Variants in CCDC25 observed in about 807,000 individuals in gnomAD.
The protein encoded by CCDC25 is coiled-coil domain containing 25, also known as coiled-coil domain-containing protein 25.
A neutral mutation model predicts 35.3 loss-of-function variants in CCDC25; 16 were observed. The ratio of observed to expected loss-of-function variants is 0.45; its 90% CI spans 0.31 to 0.69. CCDC25 has a LOEUF of 0.69. CCDC25 is among the 30% of genes least tolerant of loss of function. The probability of loss-of-function intolerance (pLI) is 0.06; values close to 1 mark genes in which losing one functional copy is unlikely to be tolerated. For missense variants in CCDC25, 179 were observed against 250.7 expected (o/e 0.71, Z 1.93); for synonymous variants, 79 against 80.3 (o/e 0.98, Z 0.09).
At chr8:27,764,412 G>GT in intron 2 of CCDC25, 1 of 342,046 alleles carries the variant, frequency 2.9e-6, no homozygotes, top group Non-Finnish European at 5.7e-6. Flanking sequence ...AGGACAACAG[G>GT]TGTGTGTCAC....
At chr8:27,763,881 G>C (rs963584257) in intron 2 of CCDC25, among the ~76,000 whole-genome samples, 5 of 152,168 alleles carry the variant, frequency 3.3e-5, no homozygotes, top group African/African-American at 1.2e-4. Flanking sequence ...AACAGTCGTA[G>C]ACACTATGAG....
intron 5 of CCDC25, among the ~76,000 whole-genome samples, chr8:27,751,515 G>A (rs1290347232): frequency 3.3e-5 from 5 of 152,138 alleles, no homozygotes; most frequent in African/African-American, 4.8e-5. Flanking sequence ...GGAATGCTGC[G>A]CTGCTCTTGT....
At chr8:27,760,694 T>G (rs1804197591) in intron 3 of CCDC25, among the ~76,000 whole-genome samples, 1 of 152,110 alleles carries the variant, frequency 6.6e-6, no homozygotes, top group South Asian at 2.1e-4. Context: ...GCAGCCCCAG[T>G]CTGGATGTTT....
At chr8:27,743,868 T>C (rs1041704848) in intron 7 of CCDC25, among the ~76,000 whole-genome samples, 1 of 152,190 alleles carries the variant, frequency 6.6e-6, no homozygotes, top group East Asian at 1.9e-4. Context: ...CAATTCAGCC[T>C]GGGATATGTC....
At chr8:27,740,587 T>C in intron 7 of CCDC25, 70 bp from the exon 8 acceptor site, 1 of 1,373,252 alleles carries the variant, frequency 7.3e-7, no homozygotes, top group Non-Finnish European at 1.0e-6. Context: ...TGATGAACAT[T>C]TCCTGTGTAT....
At chr8:27,752,626 T>A in intron 4 of CCDC25, 39 bp from the exon 5 acceptor site, 1 of 1,498,984 alleles carries the variant, frequency 6.7e-7, no homozygotes, top group South Asian at 1.1e-5. Context: ...CACTACCTCA[T>A]TATCCATTGA....
chr8:27,756,537 C>T (rs1331324041), intron 4 of CCDC25, 182 bp downstream of exon 4: 27 of 577,646 alleles, frequency 4.7e-5, no homozygotes, highest in Admixed American at 9.1e-5. Context: ...TTCTATATCT[C>T]AAAAATCATC....
intron 5 of CCDC25, among the ~76,000 whole-genome samples, chr8:27,748,806 T>C (rs908148833): frequency 2.0e-5 from 3 of 152,204 alleles, no homozygotes; most frequent in African/African-American, 7.2e-5. Context: ...AGTATTACTA[T>C]GGCAAGTAGG....
rs200083256 is a variant in CCDC25, at chr8:27,748,564, C to A, written c.279G>T (p.Thr93=). The A allele has an allele frequency of 2.2e-4, 349 of 1,613,734 alleles. No individual in the cohort carries two copies. The highest frequency in any genetic ancestry group is 1.5e-3 in the Middle Eastern group (9 of 5,838). ...CTGTTTTCTTCAGGTTAGACCACGG[C>A]GTATATACCACATTAACGTTGTTCA... ...CKMNNVNVVY[T]PWSNLKKTAD... Residue 93 remains threonine, a synonymous_variant, in exon 6 of 9, where the codon ACG becomes ACT. Transcript: ENST00000356537.
chr8:27,767,238 C>T (rs947207802), intron 1 of CCDC25, among the ~76,000 whole-genome samples: 1 of 152,090 alleles, frequency 6.6e-6, no homozygotes, highest in African/African-American at 2.4e-5. Flanking sequence ...TGGTGGCACA[C>T]GCCAGTGGTT....
intron 5 of CCDC25, among the ~76,000 whole-genome samples, chr8:27,749,204 G>A (rs1010782161): frequency 6.6e-6 from 1 of 152,156 alleles, no homozygotes; most frequent in African/African-American, 2.4e-5. Context: ...CAGGTACCCT[G>A]TTCACTCCTC....
At chr8:27,754,677 CTGTAGTGACAGGGTCTCCCT>C (rs1803936090) in intron 4 of CCDC25, 2 of 152,172 alleles carry the variant, frequency 1.3e-5, no homozygotes, top group Non-Finnish European at 1.5e-5. Flanking sequence ...TCTTTATTTT[CTGTAGTGACAGGGTCTCCCT>C]ATGATGCCCA....
intron 2 of CCDC25, among the ~76,000 whole-genome samples, chr8:27,763,488 C>A (rs185751124): frequency 5.3e-4 from 81 of 152,236 alleles, no homozygotes; most frequent in African/African-American, 1.9e-3. Flanking sequence ...GAGGCTGAGG[C>A]GAGCAGATCA....
chr8:27,759,438 C>A (rs965915757), intron 3 of CCDC25, among the ~76,000 whole-genome samples: 17 of 151,232 alleles, frequency 1.1e-4, no homozygotes, highest in Admixed American at 6.6e-4. Context: ...GAAATCCCAT[C>A]ACCACTAAAA....
At position 27,737,531 on chromosome 8, in the gene CCDC25, T is replaced by C. The variant is rs2128935071; in HGVS notation, c.598-1286A>G. On this transcript the variant is annotated intron_variant, in intron 8 of 8. Transcript: ENST00000356537. This position sits in a 1 kb window ranked among gnomAD's most constrained non-coding sequence, Gnocchi z 4.6. Reference sequence around the variant, plus strand: ...ATGCTAAATTAAAACTTAAGTCCTATATTACATAAACACTTGCCTTTAACT... The same window carrying C: ...ATGCTAAATTAAAACTTAAGTCCTACATTACATAAACACTTGCCTTTAACT... Among the ~76,000 whole-genome samples, 2 of 152,344 alleles carry C rather than the reference T, an allele frequency of 1.3e-5. No individual in the cohort carries two copies. Among genetic ancestry groups the C allele is most frequent in the East Asian group, 3.9e-4 (2 of 5,190 alleles).
intron 2 of CCDC25, 103 bp downstream of exon 2, chr8:27,765,101 A>C: frequency 9.1e-7 from 1 of 1,098,236 alleles, no homozygotes; most frequent in Non-Finnish European, 1.3e-6. Context: ...AAGTAGGTGA[A>C]AACTCAGAAC....
At chr8:27,752,809 AG>A in intron 4 of CCDC25, 29 of 256,642 alleles carry the variant, frequency 1.1e-4, no homozygotes, top group Middle Eastern at 9.4e-4. Flanking sequence ...ACACTTAATA[AG>A]TAAAAAAAAA....
At chr8:27,740,598 C>A in intron 7 of CCDC25, 81 bp from the exon 8 acceptor site, 1 of 1,226,392 alleles carries the variant, frequency 8.2e-7, no homozygotes, top group Non-Finnish European at 1.2e-6. Context: ...TCCTGTGTAT[C>A]CAGCACTGCT....
intron 5 of CCDC25, among the ~76,000 whole-genome samples, chr8:27,749,030 C>A (rs557757178): frequency 6.6e-6 from 1 of 152,276 alleles, no homozygotes; most frequent in South Asian, 2.1e-4. Context: ...GCTAGCCGAG[C>A]CTCTCTGGAG....
Sources: allele counts gnomAD v4.1 joint callset (sites outside exome capture counted in the v4.1 genomes callset), GRCh38; gene constraint gnomAD v4.1.1; non-coding constraint Gnocchi (gnomAD v3.1); transcripts MANE v1.5; gene names NCBI Gene and HGNC (gene_info 2026-07-23, HGNC 2026-07-21).